CPS1: variants seen among roughly 807,000 people sequenced by gnomAD.
CPS1 encodes carbamoyl-phosphate synthase 1, also known as carbamoyl-phosphate synthase [ammonia], mitochondrial.
Under a neutral mutation model 174.6 loss-of-function variants are expected in CPS1, and 109 were observed. The observed-to-expected ratio is 0.62, with a 90% CI of 0.53 to 0.73. The LOEUF is 0.73. Ranked by LOEUF, CPS1 falls within the 30% of genes least tolerant of loss-of-function variation. The pLI is 0.00. For synonymous variants in CPS1, 637 were observed against 632.0 expected, an observed-to-expected ratio of 1.01 and a Z score of -0.12; for missense variants, 1,689 against 1,821.9, an observed-to-expected ratio of 0.93 and a Z score of 1.33.
chr2:210,514,898 T>A (rs1695636677), intron 1 of CPS1, among the ~76,000 whole-genome samples: 1 of 151,544 alleles, frequency 6.6e-6, no homozygotes, highest in Non-Finnish European at 1.5e-5. Context: ...TTTTTTTTTT[T>A]AATCATTAAG....
chr2:210,642,317 T>TA (rs781695517), intron 24 of CPS1, among the ~76,000 whole-genome samples, 167 bp from the exon 25 acceptor site: 8 of 152,248 alleles, frequency 5.3e-5, no homozygotes, highest in Admixed American at 1.3e-4. Flanking sequence ...CTACTACTAA[T>TA]ACAGTATGCA....
chr2:210,663,146 G>T lies in CPS1; in HGVS notation c.3951G>T (p.Arg1317=). ...AIKAPMFSWP[R]LRDADPILRC... is the part of the protein sequence containing the mutation. The stretch of plus-strand genomic sequence containing the variant: ...AGGCTCCCATGTTTTCCTGGCCCCG[G>T]TTGAGGGATGCTGACCCCATTCTGA... The change falls in exon 33 of 38, where the codon CGG becomes CGT. Residue 1317 remains arginine (R), a synonymous_variant. Transcript: ENST00000233072. 4 of 1,613,214 alleles carry T rather than the reference G, an allele frequency of 2.5e-6. No individual in the cohort carries two copies. The highest frequency in any genetic ancestry group is 3.4e-6 in the Non-Finnish European group (4 of 1,179,900).
At position 210,577,455 on chromosome 2, in the gene CPS1, A is replaced by C; in HGVS notation, c.416A>C (p.Asp139Ala). Residue 139 changes from aspartate to alanine, a missense_variant, in exon 4 of 38, where the codon GAC becomes GCC. Physicochemically the swap from Asp to Ala is moderately radical, Grantham distance 126. Coordinates refer to ENST00000233072, the MANE Select transcript of CPS1 (RefSeq NM_001875.5). ...SGLLVLDYSK[D>A]YNHWLATKSL... is the part of the protein sequence containing the mutation. ...TTGCTGGTGCTGGATTATAGTAAAG[A>C]CTACAACCACTGGCTGGCTACCAAG... 1 of 1,613,934 alleles carries C rather than the reference A, an allele frequency of 6.2e-7. No individual in the cohort carries two copies. Among genetic ancestry groups the C allele is most frequent in the Non-Finnish European group, 8.5e-7 (1 of 1,179,884 alleles).
At chr2:210,510,393 ATTTAAATG>A (rs1479252801) in intron 1 of CPS1, among the ~76,000 whole-genome samples, 1 of 152,210 alleles carries the variant, frequency 6.6e-6, no homozygotes, top group Non-Finnish European at 1.5e-5. Context: ...TGGATTAAAG[ATTTAAATG>A]TTAGACCTAA....
intron 1 of CPS1, among the ~76,000 whole-genome samples, chr2:210,494,314 C>G (rs1694938456): frequency 6.6e-6 from 1 of 152,178 alleles, no homozygotes; most frequent in Non-Finnish European, 1.5e-5. Flanking sequence ...AGAACTAACA[C>G]TTTATAGACT....
chr2:210,527,131 C>T (rs1695995563), intron 1 of CPS1, among the ~76,000 whole-genome samples: 3 of 151,610 alleles, frequency 2.0e-5, no homozygotes, highest in East Asian at 1.9e-4. Context: ...TCTTTCCTTT[C>T]CTTTAATAAT....
At chr2:210,592,729 G>A in intron 10 of CPS1, 150 bp from the exon 11 acceptor site, 1 of 724,916 alleles carries the variant, frequency 1.4e-6, no homozygotes, top group Non-Finnish European at 2.5e-6. Flanking sequence ...ATCGGACCAT[G>A]TTACTTAATA....
At chr2:210,563,170 G>A (rs533468573) in intron 1 of CPS1, among the ~76,000 whole-genome samples, 1 of 152,198 alleles carries the variant, frequency 6.6e-6, no homozygotes, top group African/African-American at 2.4e-5. Flanking sequence ...CCATAGTTGT[G>A]TTTAACCTGG....
chr2:210,610,463 A>G (rs1220449035), intron 19 of CPS1, among the ~76,000 whole-genome samples: 1 of 151,980 alleles, frequency 6.6e-6, no homozygotes, highest in Non-Finnish European at 1.5e-5. Context: ...GCAGTTGGTA[A>G]ATTCAGAATA....
intron 17 of CPS1, among the ~76,000 whole-genome samples, chr2:210,606,122 CAA>C (rs1698898949): frequency 6.6e-6 from 1 of 151,874 alleles, no homozygotes; most frequent in East Asian, 1.9e-4. Context: ...AATTTCATTG[CAA>C]AGTCAGTTCT....
intron 1 of CPS1, among the ~76,000 whole-genome samples, chr2:210,536,223 C>G (rs1696246261): frequency 6.6e-6 from 1 of 151,726 alleles, no homozygotes; most frequent in Non-Finnish European, 1.5e-5. Flanking sequence ...CAAGTTTTAA[C>G]TTGGGGAGAA....
At chr2:210,483,896 T>A (rs1261219294) in intron 1 of CPS1, among the ~76,000 whole-genome samples, 1 of 152,220 alleles carries the variant, frequency 6.6e-6, no homozygotes, top group African/African-American at 2.4e-5. Context: ...TCTGATTTAT[T>A]TGTTGGTTCT....
intron 1 of CPS1, among the ~76,000 whole-genome samples, chr2:210,540,636 C>T (rs979518917): frequency 6.6e-6 from 1 of 152,090 alleles, no homozygotes; most frequent in African/African-American, 2.4e-5. Context: ...CAGCAAACCT[C>T]CATAGTAGGT....
chr2:210,664,585 C>T (rs1299201764), intron 33 of CPS1, among the ~76,000 whole-genome samples: 2 of 152,022 alleles, frequency 1.3e-5, no homozygotes, highest in South Asian at 2.1e-4. Context: ...GTGATCCGCC[C>T]GCTACAGACA....
chr2:210,548,527 A>G (rs1696622982), intron 1 of CPS1, among the ~76,000 whole-genome samples: 1 of 152,096 alleles, frequency 6.6e-6, no homozygotes. Context: ...AGAATAAAAC[A>G]TTTAATTCTT....
intron 21 of CPS1, among the ~76,000 whole-genome samples, chr2:210,627,822 A>G (rs1194724986): frequency 6.6e-6 from 1 of 151,964 alleles, no homozygotes; most frequent in Non-Finnish European, 1.5e-5. Context: ...GCTCTTCTAA[A>G]CTTCTCCTCC....
At chr2:210,546,156 T>G (rs1260803755) in intron 1 of CPS1, among the ~76,000 whole-genome samples, 1 of 152,058 alleles carries the variant, frequency 6.6e-6, no homozygotes, top group African/African-American at 2.4e-5. Flanking sequence ...CCAGACTTAT[T>G]TTTATTCTCG....
At position 210,644,864 on chromosome 2, in the gene CPS1, T is replaced by C. The variant is rs1700328546; in HGVS notation, c.3141+2199T>C. On this transcript the variant is annotated intron_variant, in intron 25 of 37. Coordinates refer to ENST00000233072, the MANE Select transcript of CPS1 (RefSeq NM_001875.5). ...TTAAAAAACAGAAAACTAAGATGGG[T>C]AAAAAGGATGCAAACAGATCTAGGT... 2.0e-5 allele frequency among the ~76,000 whole-genome samples: 3 copies of C among 152,112 alleles called. 1 individual carries two copies. In the South Asian group the frequency reaches 6.2e-4, roughly 32 times the overall value.
Position 210,522,090 on chromosome 2 carries a change from C to G in CPS1, c.4-34629C>G, listed in dbSNP as rs889707184. ...TGAATTAGGAGGTCTTTTAGTTTTT[C>G]TGTTCCCTCTGATCTTTCCAGGTGG... On this transcript the variant is annotated intron_variant, in intron 1 of 38. Transcript: ENST00000430249. 8.6e-5 allele frequency among the ~76,000 whole-genome samples: 13 copies of G among 152,034 alleles called. 1 individual carries two copies. Among genetic ancestry groups the G allele is most frequent in the African/African-American group, 3.1e-4 (13 of 41,522 alleles).
Sources: gnomAD v4.1 joint callset for allele counts (sites outside exome capture counted in the v4.1 genomes callset) on GRCh38, gnomAD v4.1.1 for gene constraint, MANE v1.5 for transcripts, NCBI Gene and HGNC (gene_info 2026-07-23, HGNC 2026-07-21) for gene names.